ANGPT4: variants seen among roughly 807,000 people sequenced by gnomAD.
ANGPT4 encodes angiopoietin 4, also known as angiopoietin-4.
ANGPT4 carries 50 observed loss-of-function variants against 53.0 expected under a neutral mutation model. The observed-to-expected ratio is 0.94, with a 90% confidence interval of 0.75 to 1.20. The LOEUF (loss-of-function observed/expected upper bound fraction) is 1.20, where lower values mean the gene tolerates loss of function less well. Ranked by LOEUF, ANGPT4 falls within the 50% of genes most tolerant of loss-of-function variation. ANGPT4 has a pLI of 0.00. For synonymous variants in ANGPT4, 251 were observed against 259.7 expected, an observed-to-expected ratio of 0.97 and a Z score of 0.32; for missense variants, 648 against 637.1, an observed-to-expected ratio of 1.02 and a Z score of -0.18.
chr20:887,905 G>GGAA (rs1981676903), intron 3 of ANGPT4, among the ~76,000 whole-genome samples: 1 of 151,568 alleles, frequency 6.6e-6, no homozygotes, highest in African/African-American at 2.4e-5. Context: ...AAGGAAGGAA[G>GGAA]GAAGGAAAGG....
intron 1 of ANGPT4, among the ~76,000 whole-genome samples, chr20:899,698 C>A (rs987101820): frequency 3.3e-5 from 5 of 152,142 alleles, no homozygotes; most frequent in African/African-American, 1.2e-4. Context: ...GCCTATCCAC[C>A]CTGTGGTGCC....
At position 881,159 on chromosome 20, in the gene ANGPT4, G is replaced by A. The variant is rs2122773178; in HGVS notation, c.951+12C>T. The A allele has an allele frequency of 1.3e-6, 2 of 1,556,572 alleles. No homozygotes were observed. Among genetic ancestry groups the A allele is most frequent in the Non-Finnish European group, 1.7e-6 (2 of 1,151,224 alleles). On this transcript the variant is annotated intron_variant, in intron 5 of 8. Transcript: ENST00000381922. The stretch of plus-strand genomic sequence containing the variant: ...CCCTCTAACAGCCACAGTTCCCAGG[G>A]AGCCCCCTAACCTTCCTGGGCTTCG...
At chr20:892,833 C>T (rs934144320) in intron 1 of ANGPT4, among the ~76,000 whole-genome samples, 3 of 152,178 alleles carry the variant, frequency 2.0e-5, no homozygotes, top group African/African-American at 7.2e-5. Flanking sequence ...CGCGCAGTTC[C>T]CCCCTTCGCT....
In ANGPT4 at chr20:870,712, A is replaced by G. The variant is rs1412343923; in HGVS notation, c.*2248T>C. The G allele has an allele frequency of 6.6e-6, 1 of 152,144 alleles. No homozygotes were observed. The highest frequency in any genetic ancestry group is 1.5e-5 in the Non-Finnish European group (1 of 68,068). 9.4% of individuals were successfully genotyped at this position (152,144 alleles called of 1,614,324 possible). ...AGCTTGCAGTCAGCCTAGAAACTAC[A>G]ATAGAAAAATAAATGATGTGGATAC... On this transcript the variant is annotated 3_prime_UTR_variant, in exon 9 of 9. Transcript: ENST00000381922.
chr20:886,930 CA>C (rs1164843006), intron 3 of ANGPT4, among the ~76,000 whole-genome samples: 8 of 152,212 alleles, frequency 5.3e-5, no homozygotes, highest in African/African-American at 1.9e-4. Context: ...TTCACGAGGA[CA>C]GGGGCTTTTG....
At position 916,148 on chromosome 20, in the gene ANGPT4, G is replaced by A; in HGVS notation, c.67C>T (p.Gln23Ter). ...LLVVATMSVA[Q>*]QTRQEADRGC... is the part of the protein sequence containing the mutation. ...CTATCCGCCTCCTGCCTTGTCTGTT[G>A]AGCCACAGACATGGTGGCAACCACA... is the stretch of plus-strand genomic sequence containing the variant. The change falls in exon 1 of 9, where the codon CAA becomes TAA. Residue 23 changes from glutamine (Q) to a stop codon, truncating the protein, a stop_gained. Transcript: ENST00000381922. LOFTEE classifies it high-confidence loss of function. The A allele has an allele frequency of 1.2e-6, 2 of 1,614,142 alleles. No individual in the cohort carries two copies. The highest frequency in any genetic ancestry group is 1.7e-6 in the Non-Finnish European group (2 of 1,180,002).
In ANGPT4 at chr20:870,399, G is replaced by A. The variant is rs1348797140; in HGVS notation, c.*2561C>T. 2.7e-5 allele frequency: 4 copies of A among 148,748 alleles called. No homozygotes were observed. The highest frequency in any genetic ancestry group is 1.0e-4 in the African/African-American group (4 of 38,920). 9.2% of individuals were successfully genotyped at this position (148,748 alleles called of 1,614,324 possible). A position where few individuals can be genotyped will look rare whatever the true frequency, so the allele number is the denominator to read the frequency against. ...CAAAAGTTTTCCGGGCGTGGTGGTA[G>A]GCGTCTGTAATCCCATTACTCAGGA... On this transcript the variant is annotated 3_prime_UTR_variant, in exon 9 of 9. Transcript: ENST00000381922.
rs1465437832 is a variant in ANGPT4 at position 914,363 on chromosome 20, T to C, written c.309+1543A>G. 1.3e-5 allele frequency among the ~76,000 whole-genome samples: 2 copies of C among 151,954 alleles called. No individual in the cohort carries two copies. Among genetic ancestry groups the C allele is most frequent in the Non-Finnish European group, 2.9e-5 (2 of 67,958 alleles). On this transcript the variant is annotated intron_variant, in intron 1 of 8. Coordinates refer to ENST00000381922, the MANE Select transcript of ANGPT4 (RefSeq NM_015985.4). This position sits in a 1 kb window ranked among gnomAD's most constrained non-coding sequence, Gnocchi z 5.0. Reference sequence around the variant, plus strand: ...AGGAGGGCCTCTGGGGAGATGGCGCTGGAGAGGATAGGAGGCTGGGGTAAG... The same window carrying C: ...AGGAGGGCCTCTGGGGAGATGGCGCCGGAGAGGATAGGAGGCTGGGGTAAG...
chr20:873,083 G>T lies in ANGPT4; in HGVS notation c.1389C>A (p.Asn463Lys), dbSNP rs375636235. The stretch of plus-strand genomic sequence containing the variant: ...TGTCGGGAGCGTGGTAGTAGACGCC[G>T]TTGAGGTTTGACAGGCCACAGGCGT... ...WFDACGLSNL[N>K]GVYYHAPDNK... is the part of the protein sequence containing the mutation. The change falls in exon 9 of 9, where the codon AAC becomes AAA. Residue 463 changes from asparagine (N) to lysine (K), a missense_variant. By Grantham distance (94) the Asn-to-Lys change is moderately conservative. Coordinates refer to ENST00000381922, the MANE Select transcript of ANGPT4 (RefSeq NM_015985.4). The T allele has an allele frequency of 5.9e-5, 96 of 1,613,886 alleles. No homozygotes were observed. Among genetic ancestry groups the T allele is most frequent in the Non-Finnish European group, 7.9e-5 (93 of 1,180,022 alleles).
At chr20:889,717 G>A (rs966916522) in intron 2 of ANGPT4, among the ~76,000 whole-genome samples, 17 of 152,068 alleles carry the variant, frequency 1.1e-4, no homozygotes, top group Admixed American at 2.6e-4. Flanking sequence ...CCTGGCACAC[G>A]GGGGATCAAA....
At chr20:902,994 C>A (rs73892529) in intron 1 of ANGPT4, among the ~76,000 whole-genome samples, 5,331 of 152,258 alleles carry the variant, frequency 0.035, 315 homozygotes, top group African/African-American at 0.12. Flanking sequence ...TGCTAGATTC[C>A]TCCTCATGTC....
chr20:907,971 C>T (rs1982543580), intron 1 of ANGPT4, among the ~76,000 whole-genome samples: 1 of 152,170 alleles, frequency 6.6e-6, no homozygotes, highest in South Asian at 2.1e-4. Flanking sequence ...AACTAAGGCC[C>T]ACAAAGGCCG....
In ANGPT4 at chr20:906,955, A is replaced by G. The variant is rs554620455; in HGVS notation, c.309+8951T>C. ...ACCCTCAATTCTTTGACACAGGCCC[A>G]GCGTCTCCAAACATCCAGTGTGGTC... On this transcript the variant is annotated intron_variant, in intron 1 of 8. Coordinates refer to ENST00000381922, the MANE Select transcript of ANGPT4 (RefSeq NM_015985.4). Among the ~76,000 whole-genome samples the G allele has an allele frequency of 2.0e-5, 3 of 152,328 alleles. No homozygotes were observed. The East Asian group carries it at 5.8e-4, about 29-fold the overall frequency.
In ANGPT4 at chr20:885,068, G is replaced by A; in HGVS notation, c.835+10C>T. 2 of 1,613,406 alleles carry A rather than the reference G, an allele frequency of 1.2e-6. No homozygotes were observed. Among genetic ancestry groups the A allele is most frequent in the Non-Finnish European group, 1.7e-6 (2 of 1,179,866 alleles). ...CTTTAGCCACACTGGGGCGCACACC[G>A]CTCACTCACCCGGGGCCGAGGCGTT... is the stretch of plus-strand genomic sequence containing the variant. On this transcript the variant is annotated intron_variant, in intron 4 of 8. Transcript: ENST00000381922.
At position 885,255 on chromosome 20, in the gene ANGPT4, T is replaced by C; in HGVS notation, c.658A>G (p.Lys220Glu). Reference sequence around the variant, plus strand: ...CTCAGCGTGTTCAGCAGCTTCGCCTTCTTGCTGAGGATGCTGGCCAGCTCC... The same window carrying C: ...CTCAGCGTGTTCAGCAGCTTCGCCTCCTTGCTGAGGATGCTGGCCAGCTCC... ...QEELASILSK[K>E]AKLLNTLSRQ... The change falls in exon 4 of 9, where the codon AAG becomes GAG. Residue 220 changes from lysine (K) to glutamate (E), a missense_variant. Physicochemically the swap from Lys to Glu is moderately conservative, Grantham distance 56. Coordinates refer to ENST00000381922, the MANE Select transcript of ANGPT4 (RefSeq NM_015985.4). The C allele has an allele frequency of 6.3e-7, 1 of 1,583,524 alleles. No individual in the cohort carries two copies. The highest frequency in any genetic ancestry group is 2.3e-5 in the East Asian group (1 of 43,634).
intron 7 of ANGPT4, among the ~76,000 whole-genome samples, chr20:875,575 T>G (rs1414093199): frequency 6.6e-6 from 1 of 152,200 alleles, no homozygotes; most frequent in Non-Finnish European, 1.5e-5. Flanking sequence ...CCACTGAGCC[T>G]CAGTTTCTTC....
chr20:890,257 G>C lies in ANGPT4; in HGVS notation c.421C>G (p.Gln141Glu), dbSNP rs202046919. ...AGCTTGCGGATCTGGGCAGTGGTCT[G>C]GTTCAGGAGGCTGGTGCCCAGCTCT... is the stretch of plus-strand genomic sequence containing the variant. ...MLELGTSLLN[Q>E]TTAQIRKLTD... Residue 141 changes from glutamine (Q) to glutamate (E), a missense_variant, in exon 2 of 9, where the codon CAG becomes GAG. Transcript: ENST00000381922. 5.6e-6 allele frequency: 9 copies of C among 1,614,000 alleles called. No homozygotes were observed. In the African/African-American group the frequency reaches 8.0e-5, roughly 14 times the overall value.
At chr20:899,532 C>A (rs982090876) in intron 1 of ANGPT4, among the ~76,000 whole-genome samples, 4 of 152,120 alleles carry the variant, frequency 2.6e-5, no homozygotes, top group South Asian at 2.1e-4. Context: ...GGATTACAGG[C>A]ATGAACCACC....
At chr20:915,843 C>T (rs892879400) in intron 1 of ANGPT4, 63 bp downstream of exon 1, 3 of 1,508,798 alleles carry the variant, frequency 2.0e-6, no homozygotes, top group South Asian at 2.7e-5. Context: ...GACACTCCAC[C>T]TGCTGATTGT....
Sources: allele counts gnomAD v4.1 joint callset (sites outside exome capture counted in the v4.1 genomes callset), GRCh38; gene constraint gnomAD v4.1.1; non-coding constraint Gnocchi (gnomAD v3.1); transcripts MANE v1.5; gene names NCBI Gene and HGNC (gene_info 2026-07-23, HGNC 2026-07-21).